Variants in SRSF12 observed in about 807,000 individuals in gnomAD.
The protein encoded by SRSF12 is serine/arginine-rich splicing factor 12.
A neutral mutation model predicts 34.1 loss-of-function variants in SRSF12; 21 were observed. That is an observed-to-expected ratio of 0.62 (90% CI 0.44 to 0.89). SRSF12 has a LOEUF of 0.89. Ranked by LOEUF, SRSF12 falls within the 40% of genes least tolerant of loss-of-function variation. The pLI, the probability that SRSF12 is intolerant of heterozygous loss-of-function variation, is 0.00. For missense variants in SRSF12, 278 were observed against 327.8 expected (o/e 0.85, Z 1.17); for synonymous variants, 111 against 110.8 (o/e 1.00, Z -0.01).
rs1768314014 is a variant in SRSF12 at position 89,097,326 on chromosome 6, T to C, written c.*1252A>G. 6.6e-6 allele frequency: 1 copy of C among 152,140 alleles called. No individual in the cohort carries two copies. The highest frequency in any genetic ancestry group is 6.5e-5 in the Admixed American group (1 of 15,268). The allele number at this position is 152,140 out of a possible 1,614,324, so 9.4% of individuals were successfully genotyped here. ...AATAATCATATGCAAAACCATTCTA[T>C]CACAAACACTACCAAAACCCTTTGA... On this transcript the variant is annotated 3_prime_UTR_variant, in exon 5 of 5. Transcript: ENST00000452027.
chr6:89,105,007 G>T, intron 4 of SRSF12, 112 bp downstream of exon 4: 1 of 1,074,078 alleles, frequency 9.3e-7, no homozygotes, highest in Non-Finnish European at 1.3e-6. Flanking sequence ...AGTGGGCCAT[G>T]ATCGCACACT....
At chr6:89,110,043 A>G (rs1045255000) in intron 1 of SRSF12, among the ~76,000 whole-genome samples, 5 of 152,110 alleles carry the variant, frequency 3.3e-5, no homozygotes, top group Non-Finnish European at 7.4e-5. Context: ...GTGAGCCAAG[A>G]TCATGCCACT....
intron 1 of SRSF12, among the ~76,000 whole-genome samples, chr6:89,109,123 T>C (rs1265499340): frequency 6.6e-6 from 1 of 152,150 alleles, no homozygotes; most frequent in Admixed American, 6.5e-5. Context: ...TAGACTGGCA[T>C]AAAGATTCTC....
Position 89,117,982 on chromosome 6 carries a change from C to G in SRSF12, c.-95G>C. On this transcript the variant is annotated 5_prime_UTR_variant, in exon 1 of 5. Coordinates refer to ENST00000452027, the MANE Select transcript of SRSF12 (RefSeq NM_080743.5). The stretch of plus-strand genomic sequence containing the variant: ...CTACCACCACAGGAGCTCCGCCGGC[C>G]CCCGGCGCGACCCCCACCCCTCGGC... The G allele has an allele frequency of 7.4e-7, 1 of 1,357,918 alleles. No homozygotes were observed. The highest frequency in any genetic ancestry group is 1.3e-5 in the South Asian group (1 of 74,830). The allele number at this position is 1,357,918 out of a possible 1,614,324, so 84.1% of individuals were successfully genotyped here.
intron 2 of SRSF12, chr6:89,105,753 A>G: frequency 3.3e-6 from 1 of 304,684 alleles, no homozygotes; most frequent in South Asian, 8.1e-5. Flanking sequence ...AAAAAGAACA[A>G]AACAAACATG....
At chr6:89,108,001 G>C (rs1278044952) in intron 1 of SRSF12, among the ~76,000 whole-genome samples, 3 of 152,120 alleles carry the variant, frequency 2.0e-5, no homozygotes, top group Non-Finnish European at 4.4e-5. Context: ...CTTGTTTTCA[G>C]ATAGCAAGAA....
In SRSF12 at chr6:89,097,682, T is replaced by G. The variant is rs1454313554; in HGVS notation, c.*896A>C. Reference sequence around the variant, plus strand: ...TTTCTTAATACAAGGTACTAAACACTCTTTCAAAAATAATAAGACTTGTTC... The same window carrying G: ...TTTCTTAATACAAGGTACTAAACACGCTTTCAAAAATAATAAGACTTGTTC... On this transcript the variant is annotated 3_prime_UTR_variant, in exon 5 of 5. Transcript: ENST00000452027. 1.3e-5 allele frequency: 2 copies of G among 152,042 alleles called. No individual in the cohort carries two copies. Among genetic ancestry groups the G allele is most frequent in the Admixed American group, 1.3e-4 (2 of 15,250 alleles). 9.4% of individuals were successfully genotyped at this position (152,042 alleles called of 1,614,324 possible). A position where few individuals can be genotyped will look rare whatever the true frequency, so the allele number is the denominator to read the frequency against.
chr6:89,104,033 C>T (rs1230510536), intron 4 of SRSF12, among the ~76,000 whole-genome samples: 1 of 109,720 alleles, frequency 9.1e-6, no homozygotes, highest in African/African-American at 3.6e-5. Context: ...GACGGAGTCT[C>T]ACCATGTTGG....
chr6:89,101,591 G>A (rs996875626), intron 4 of SRSF12, among the ~76,000 whole-genome samples: 31 of 151,978 alleles, frequency 2.0e-4, no homozygotes, highest in African/African-American at 6.3e-4. Flanking sequence ...GTGTGGTGGC[G>A]GGAGGCTGAG....
chr6:89,100,512 C>G, intron 4 of SRSF12, among the ~76,000 whole-genome samples: 1 of 98,386 alleles, frequency 1.0e-5, no homozygotes. Context: ...TCCATGTCCA[C>G]ATGTTATGTT....
chr6:89,107,593 T>C (rs1768855773), intron 1 of SRSF12, among the ~76,000 whole-genome samples: 2 of 151,942 alleles, frequency 1.3e-5, no homozygotes, highest in South Asian at 4.2e-4. Flanking sequence ...CAGCCAGGTG[T>C]GGTAGCGTGT....
Position 89,105,237 on chromosome 6 carries a change from C to A in SRSF12, c.298G>T (p.Glu100Ter). The change falls in exon 4 of 5, where the codon GAA becomes TAA. Residue 100 changes from glutamate (E) to a stop codon, truncating the protein, a stop_gained. Transcript: ENST00000452027. LOFTEE classifies it high-confidence loss of function. ...TCACTTGGAGAACAAGGATGACGTT[C>A]TTTTGATTTCATTTGGCCTGGTGCT... ...RKTPGQMKSK[E>*]RHPCSPSDHR... 1 of 1,610,866 alleles carries A rather than the reference C, an allele frequency of 6.2e-7. No homozygotes were observed.
chr6:89,117,883 G>C lies in SRSF12; in HGVS notation c.5C>G (p.Ser2Cys). 6.4e-7 allele frequency: 1 copy of C among 1,562,684 alleles called. No homozygotes were observed. Among genetic ancestry groups the C allele is most frequent in the Non-Finnish European group, 8.6e-7 (1 of 1,156,848 alleles). M[S>C]RYTRPPNTSL... ...GGTGTTGGGGGGCCTCGTGTAGCGA[G>C]ACATGACCGCTTCCTCCGTTCCCTC... Residue 2 changes from serine (S) to cysteine (C), a missense_variant, in exon 1 of 5, where the codon TCT becomes TGT. Transcript: ENST00000452027.
At chr6:89,099,470 GTATATA>G (rs530430187) in intron 4 of SRSF12, among the ~76,000 whole-genome samples, 1 of 137,782 alleles carries the variant, frequency 7.3e-6, no homozygotes, top group African/African-American at 3.1e-5. Flanking sequence ...ATATGTGTGT[GTATATA>G]TATATGTGTG....
chr6:89,108,453 C>G (rs1027286384), intron 1 of SRSF12, among the ~76,000 whole-genome samples: 1 of 152,194 alleles, frequency 6.6e-6, no homozygotes, highest in South Asian at 2.1e-4. Context: ...ACTGAGCCAG[C>G]AAGTGACAAA....
intron 4 of SRSF12, among the ~76,000 whole-genome samples, chr6:89,102,257 C>A (rs1768571185): frequency 6.6e-6 from 1 of 152,006 alleles, no homozygotes; most frequent in African/African-American, 2.4e-5. Context: ...GATTCTCCTG[C>A]CTCAACCTCC....
intron 4 of SRSF12, among the ~76,000 whole-genome samples, chr6:89,102,170 G>A (rs1175037576): frequency 1.3e-5 from 2 of 152,002 alleles, no homozygotes; most frequent in Admixed American, 1.3e-4. Flanking sequence ...CTGAGACAGA[G>A]TCTTGCTCTG....
Position 89,106,801 on chromosome 6 carries a change from T to G in SRSF12, c.170+353A>C, listed in dbSNP as rs180838386. Reference sequence around the variant, plus strand: ...CTTTGACTCTGGAACTCTGAGTAAATGTAGGAAAGCCGAAGTCTCAACCTG... The same window carrying G: ...CTTTGACTCTGGAACTCTGAGTAAAGGTAGGAAAGCCGAAGTCTCAACCTG... On this transcript the variant is annotated intron_variant, in intron 2 of 4. Coordinates refer to ENST00000452027, the MANE Select transcript of SRSF12 (RefSeq NM_080743.5). 3 of 358,216 alleles carry G rather than the reference T, an allele frequency of 8.4e-6. No homozygotes were observed. In the East Asian group the frequency reaches 2.2e-4, roughly 26 times the overall value. 22.2% of individuals were successfully genotyped at this position (358,216 alleles called of 1,614,324 possible).
intron 1 of SRSF12, among the ~76,000 whole-genome samples, chr6:89,112,696 G>A (rs1166518242): frequency 6.6e-6 from 1 of 151,906 alleles, no homozygotes; most frequent in Non-Finnish European, 1.5e-5. Context: ...ACAAGCATAA[G>A]CCACTGAGCC....
Sources: allele counts gnomAD v4.1 joint callset (sites outside exome capture counted in the v4.1 genomes callset), GRCh38; gene constraint gnomAD v4.1.1; transcripts MANE v1.5; gene names NCBI Gene and HGNC (gene_info 2026-07-23, HGNC 2026-07-21).